Variants in CCNK observed in about 807,000 individuals in gnomAD.
CCNK encodes the protein cyclin K.
In CCNK, 9 loss-of-function variants were observed where a neutral mutation model predicts 65.0. The ratio of observed to expected loss-of-function variants is 0.14; its 90% CI spans 0.08 to 0.24. CCNK has a LOEUF of 0.24. Among genes scored for constraint, CCNK ranks in the 10% least tolerant of loss-of-function variants. The pLI is 1.00. For synonymous variants in CCNK, 279 were observed against 270.8 expected (o/e 1.03, Z -0.30); for missense variants, 474 against 720.0 (o/e 0.66, Z 3.91).
At position 99,510,899 on chromosome 14, in the gene CCNK, G is replaced by A; in HGVS notation, c.*117G>A. On this transcript the variant is annotated 3_prime_UTR_variant, in exon 11 of 11. Transcript: ENST00000389879. Reference sequence around the variant, plus strand: ...ATAATGCACGACAGTTGCAGTATGGGAAGAATGGACCGGGCCCCTGGGATA... The same window carrying A: ...ATAATGCACGACAGTTGCAGTATGGAAAGAATGGACCGGGCCCCTGGGATA... 1.1e-6 allele frequency: 1 copy of A among 905,406 alleles called. No individual in the cohort carries two copies. The highest frequency in any genetic ancestry group is 1.5e-6 in the Non-Finnish European group (1 of 671,300). 56.1% of individuals were successfully genotyped at this position (905,406 alleles called of 1,614,324 possible).
chr14:99,506,966 T>C, intron 9 of CCNK, 110 bp from the exon 10 acceptor site: 2 of 780,696 alleles, frequency 2.6e-6, no homozygotes, highest in Non-Finnish European at 4.7e-6. Context: ...GCCTTGGTCA[T>C]CTCTGTTGTT....
chr14:99,502,969 G>C lies in CCNK; in HGVS notation c.996G>C (p.Gln332His), dbSNP rs761124604. ...CTCCGCAGCCCAGTTCTCCCCGACAGGTTAAGCGAGCCGTGGTGAGTGGGC... is the reference window on the plus strand; with the variant it reads ...CTCCGCAGCCCAGTTCTCCCCGACACGTTAAGCGAGCCGTGGTGAGTGGGC... ...KPSPQPSSPR[Q>H]VKRAVVVSPK... Residue 332 changes from glutamine to histidine, a missense_variant, in exon 8 of 11, where the codon CAG (glutamine) becomes CAC (histidine). Around this residue, in one of 6 missense-constraint regions of CCNK, gnomAD observed 229 missense variants for 275.5 expected, o/e 0.83. Transcript: ENST00000389879. 19 of 1,613,880 alleles carry C rather than the reference G, an allele frequency of 1.2e-5. No individual in the cohort carries two copies. The highest frequency in any genetic ancestry group is 1.5e-5 in the Non-Finnish European group (18 of 1,179,904).
At chr14:99,498,576 G>A (rs1306272424) in intron 4 of CCNK, among the ~76,000 whole-genome samples, 1 of 152,162 alleles carries the variant, frequency 6.6e-6, no homozygotes, top group African/African-American at 2.4e-5. Context: ...GCTTTTCTCT[G>A]TAATATTCGT....
intron 4 of CCNK, among the ~76,000 whole-genome samples, chr14:99,499,143 G>C (rs868349864): frequency 1.3e-5 from 2 of 152,174 alleles, no homozygotes; most frequent in Non-Finnish European, 2.9e-5. Flanking sequence ...AGGCTCGAGC[G>C]ATTCTCCTGC....
chr14:99,502,298 C>A lies in CCNK; in HGVS notation c.667C>A (p.Gln223Lys). The change falls in exon 7 of 11, where the codon CAA becomes AAA. Residue 223 changes from glutamine (Q) to lysine (K), a missense_variant. By Grantham distance (53) the Gln-to-Lys change is moderately conservative. Transcript: ENST00000389879. ...LAGRLCKFEI[Q>K]EWTSKPMYRR... The stretch of plus-strand genomic sequence containing the variant: ...AGGACGTTTGTGCAAATTTGAAATA[C>A]AAGAATGGACCTCCAAACCCATGTA... 1 of 1,612,758 alleles carries A rather than the reference C, an allele frequency of 6.2e-7. No individual in the cohort carries two copies. The highest frequency in any genetic ancestry group is 8.5e-7 in the Non-Finnish European group (1 of 1,179,488).
rs1346677417 is a variant in CCNK, at chr14:99,510,443, T to G, written c.1404T>G (p.Pro468=). 2.0e-6 allele frequency: 3 copies of G among 1,521,474 alleles called. No individual in the cohort carries two copies. The highest frequency in any genetic ancestry group is 2.6e-6 in the Non-Finnish European group (3 of 1,135,686). The allele number at this position is 1,521,474 out of a possible 1,614,324, so 94.2% of individuals were successfully genotyped here. The part of the protein sequence containing the change: ...YGALPPAYGP[P]AHLPYHPHVY... ...CCCTGCCCCCCGCCTACGGCCCACC[T>G]GCACACCTGCCCTACCACCCCCATG... The change falls in exon 11 of 11, where the codon CCT becomes CCG. Residue 468 remains proline, a synonymous_variant. Transcript: ENST00000389879.
rs755675979 is a variant in CCNK, at chr14:99,495,593, T to C, written c.375T>C (p.Asn125=). ...DIIKTARSLL[N]DVQFGQFGDD... ...TCAAAACAGCTCGTAGTTTATTAAA[T>C]GATGTACAATTTGGCCAGTTTGGAG... Residue 125 remains asparagine (N), a synonymous_variant, in exon 4 of 11, where the codon AAT becomes AAC. Coordinates refer to ENST00000389879, the MANE Select transcript of CCNK (RefSeq NM_001099402.2). 1.8e-5 allele frequency: 29 copies of C among 1,611,688 alleles called. No homozygotes were observed. Among genetic ancestry groups the C allele is most frequent in the Middle Eastern group, 1.7e-4 (1 of 6,056 alleles).
intron 5 of CCNK, 81 bp downstream of exon 5, chr14:99,500,952 C>A: frequency 2.2e-6 from 2 of 896,906 alleles, no homozygotes; most frequent in South Asian, 1.5e-5. Context: ...TTACGCTTCT[C>A]AAAAGCGGAA....
intron 10 of CCNK, chr14:99,509,870 A>C: frequency 4.1e-6 from 2 of 491,698 alleles, no homozygotes; most frequent in Non-Finnish European, 7.2e-6. Context: ...GGGCCAGGGC[A>C]CAAGGGGGCT....
In CCNK at chr14:99,508,017, G is replaced by A. The variant is rs547896897; in HGVS notation, c.1117+870G>A. The A allele has an allele frequency of 3.9e-5, 6 of 152,344 alleles. No homozygotes were observed. In the East Asian group the frequency reaches 9.7e-4, roughly 25 times the overall value. 9.4% of individuals were successfully genotyped at this position (152,344 alleles called of 1,614,324 possible). A position where few individuals can be genotyped will look rare whatever the true frequency, so the allele number is the denominator to read the frequency against. Reference sequence around the variant, plus strand: ...TCTCCAAAAGGTGGTCGATACTCCGGAGGCTTCCAAGCCTCTGTCAGCAGC... The same window carrying A: ...TCTCCAAAAGGTGGTCGATACTCCGAAGGCTTCCAAGCCTCTGTCAGCAGC... On this transcript the variant is annotated intron_variant, in intron 10 of 10. Transcript: ENST00000389879.
chr14:99,486,357 G>A (rs1022350002), intron 1 of CCNK, among the ~76,000 whole-genome samples: 2 of 152,094 alleles, frequency 1.3e-5, no homozygotes, highest in Admixed American at 1.3e-4. Flanking sequence ...CTGGGCAAAC[G>A]CTCGCCTTTG....
At position 99,502,404 on chromosome 14, in the gene CCNK, A is replaced by G. The variant is rs375883312; in HGVS notation, c.745+28A>G. 2.5e-4 allele frequency: 405 copies of G among 1,607,652 alleles called. 1 individual carries two copies. Among genetic ancestry groups the G allele is most frequent in the Non-Finnish European group, 3.2e-4 (379 of 1,176,424 alleles). ...ACCAGGCATGCTAAGCGTTCTCGTGAGGGTGTTCCATGTTGAGATGATTCT... is the reference window on the plus strand; with the variant it reads ...ACCAGGCATGCTAAGCGTTCTCGTGGGGGTGTTCCATGTTGAGATGATTCT... On this transcript the variant is annotated intron_variant, in intron 7 of 10. Coordinates refer to ENST00000389879, the MANE Select transcript of CCNK (RefSeq NM_001099402.2).
In CCNK at chr14:99,510,239, G is replaced by T; in HGVS notation, c.1200G>T (p.Gln400His). ...PVDATDLPKV[Q>H]IPPPAHPAPV... ...ATGCCACTGACCTCCCCAAAGTCCA[G>T]ATTCCCCCTCCGGCCCACCCGGCCC... Residue 400 changes from glutamine (Q) to histidine (H), a missense_variant, in exon 11 of 11, where the codon CAG (glutamine) becomes CAT (histidine). Gln to His is a conservative substitution (Grantham distance 24). Coordinates refer to ENST00000389879, the MANE Select transcript of CCNK (RefSeq NM_001099402.2). The T allele has an allele frequency of 6.3e-7, 1 of 1,593,212 alleles. No homozygotes were observed. The highest frequency in any genetic ancestry group is 8.5e-7 in the Non-Finnish European group (1 of 1,173,398).
intron 6 of CCNK, 193 bp downstream of exon 6, chr14:99,501,606 CCGTGTCATGG>C: frequency 1.8e-6 from 1 of 571,378 alleles, no homozygotes; most frequent in East Asian, 2.9e-5. Context: ...TTCTGCCCTG[CCGTGTCATGG>C]TGTTGTGAGG....
At chr14:99,503,716 T>A in intron 9 of CCNK, 72 bp downstream of exon 9, 2 of 1,347,492 alleles carry the variant, frequency 1.5e-6, no homozygotes, top group Non-Finnish European at 2.1e-6. Context: ...TAGCCAACAT[T>A]GTTTCTTTTC....
In CCNK at chr14:99,497,660, C is replaced by A. The variant is rs569855161; in HGVS notation, c.411+2031C>A. ...TTCCTAACTAGCTTGTATTGTCTCACAATAGTTATCTTTTTCTCTGCCAAG... is the reference window on the plus strand; with the variant it reads ...TTCCTAACTAGCTTGTATTGTCTCAAAATAGTTATCTTTTTCTCTGCCAAG... On this transcript the variant is annotated intron_variant, in intron 4 of 10. Coordinates refer to ENST00000389879, the MANE Select transcript of CCNK (RefSeq NM_001099402.2). 3.9e-5 allele frequency among the ~76,000 whole-genome samples: 6 copies of A among 152,282 alleles called. No homozygotes were observed. In the East Asian group the frequency reaches 7.7e-4, roughly 20 times the overall value.
intron 9 of CCNK, 71 bp downstream of exon 9, chr14:99,503,715 T>C: frequency 7.4e-7 from 1 of 1,348,014 alleles, no homozygotes; most frequent in East Asian, 2.5e-5. Context: ...TTAGCCAACA[T>C]TGTTTCTTTT....
chr14:99,491,095 C>T (rs560688811), intron 1 of CCNK, among the ~76,000 whole-genome samples: 18 of 152,200 alleles, frequency 1.2e-4, no homozygotes, highest in Admixed American at 5.2e-4. Flanking sequence ...CTATTGTGTG[C>T]ATGTGTCATA....
Position 99,510,833 on chromosome 14 carries a change from T to C in CCNK, c.*51T>C, listed in dbSNP as rs1897113265. ...TTTTTAACAAGATTTTCTAATCGACTTGCAGAGTAGTTGAAGTGGGTAAGC... is the reference window on the plus strand; with the variant it reads ...TTTTTAACAAGATTTTCTAATCGACCTGCAGAGTAGTTGAAGTGGGTAAGC... On this transcript the variant is annotated 3_prime_UTR_variant, in exon 11 of 11. Coordinates refer to ENST00000389879, the MANE Select transcript of CCNK (RefSeq NM_001099402.2). 4 of 1,371,146 alleles carry C rather than the reference T, an allele frequency of 2.9e-6. No individual in the cohort carries two copies. The highest frequency in any genetic ancestry group is 3.8e-6 in the Non-Finnish European group (4 of 1,056,952). 84.9% of individuals were successfully genotyped at this position (1,371,146 alleles called of 1,614,324 possible).
Sources: allele counts gnomAD v4.1 joint callset (sites outside exome capture counted in the v4.1 genomes callset), GRCh38; gene constraint gnomAD v4.1.1; regional missense constraint gnomAD v4.1.1; transcripts MANE v1.5; gene names NCBI Gene and HGNC (gene_info 2026-07-23, HGNC 2026-07-21).